EPS8: variants seen among roughly 807,000 people sequenced by gnomAD.
EPS8 encodes EGFR pathway substrate 8, signaling adaptor, also known as epidermal growth factor receptor kinase substrate 8.
Under a neutral mutation model 103.8 loss-of-function variants are expected in EPS8, and 42 were observed. The ratio of observed to expected loss-of-function variants is 0.40; its 90% CI spans 0.32 to 0.52. The LOEUF (loss-of-function observed/expected upper bound fraction) is 0.52. EPS8 is among the 20% of genes least tolerant of loss of function. The probability of loss-of-function intolerance (pLI) is 0.40; values close to 1 mark genes in which losing one functional copy is unlikely to be tolerated. For missense variants in EPS8, 969 were observed against 1,005.1 expected, an observed-to-expected ratio of 0.96 and a Z score of 0.49; for synonymous variants, 344 against 344.6, an observed-to-expected ratio of 1.00 and a Z score of 0.02.
Position 15,670,935 on chromosome 12 carries a change from AT to A in EPS8, c.137-13del, listed in dbSNP as rs1393341330. The A allele has an allele frequency of 5.0e-6, 8 of 1,608,766 alleles. No homozygotes were observed. In the East Asian group the frequency reaches 1.8e-4, roughly 36 times the overall value. ...ATTCTTCCTTTGTTCTGAAAGAGAA[AT>A]TGAAAAAGCCATGATTTGTCCCCTA... On this transcript the variant is annotated splice_polypyrimidine_tract_variant and intron_variant, in intron 3 of 20. Coordinates refer to ENST00000281172, the MANE Select transcript of EPS8 (RefSeq NM_004447.6).
intron 1 of EPS8, among the ~76,000 whole-genome samples, chr12:15,708,259 C>G (rs962395627): frequency 2.0e-5 from 3 of 152,168 alleles, no homozygotes; most frequent in Non-Finnish European, 2.9e-5. Context: ...CCTCACTTTC[C>G]TCATCTGTAA....
At chr12:15,661,583 T>C (rs1215463638) in intron 9 of EPS8, among the ~76,000 whole-genome samples, 1 of 152,242 alleles carries the variant, frequency 6.6e-6, no homozygotes, top group African/African-American at 2.4e-5. Flanking sequence ...CATTATCTTT[T>C]ATAAAAGCTT....
chr12:15,712,139 A>G (rs1187102290), intron 1 of EPS8, among the ~76,000 whole-genome samples: 1 of 152,238 alleles, frequency 6.6e-6, no homozygotes, highest in Admixed American at 6.5e-5. Flanking sequence ...TATTTAAAAC[A>G]TCATAATTAT....
intron 17 of EPS8, among the ~76,000 whole-genome samples, chr12:15,635,742 T>A (rs1475612833): frequency 2.6e-5 from 4 of 151,912 alleles, no homozygotes; most frequent in Admixed American, 2.6e-4. Context: ...ACCAAGCAAA[T>A]TGGAACACAG....
At chr12:15,739,110 A>C (rs1241874201) in intron 1 of EPS8, among the ~76,000 whole-genome samples, 2 of 152,188 alleles carry the variant, frequency 1.3e-5, no homozygotes, top group Non-Finnish European at 2.9e-5. Context: ...AAAACACATC[A>C]TATACCTTAG....
rs184275347 is a variant in EPS8 at position 15,740,926 on chromosome 12, T to A, written c.-22+48235A>T. 9.2e-5 allele frequency among the ~76,000 whole-genome samples: 14 copies of A among 152,304 alleles called. 2 individuals are homozygous for A. Among genetic ancestry groups the A allele is most frequent in the African/African-American group, 3.1e-4 (13 of 41,572 alleles). On this transcript the variant is annotated intron_variant, in intron 1 of 20. Transcript: ENST00000281172. ...ATAGAAAAAAGGTCAATTTCTTTTTTAAAAAATGGTGCTTTTAGTGACCTG... is the reference window on the plus strand; with the variant it reads ...ATAGAAAAAAGGTCAATTTCTTTTTAAAAAAATGGTGCTTTTAGTGACCTG...
chr12:15,681,370 T>C (rs908010483), intron 2 of EPS8, 68 bp from the exon 3 acceptor site: 17 of 625,302 alleles, frequency 2.7e-5, no homozygotes, highest in Non-Finnish European at 3.7e-5. Flanking sequence ...TAAAGTCCAA[T>C]ATAAGTAACA....
chr12:15,621,486 A>G (rs1944861662), intron 20 of EPS8, 56 bp from the exon 21 acceptor site: 2 of 902,890 alleles, frequency 2.2e-6, no homozygotes, highest in Non-Finnish European at 3.4e-6. Context: ...GCTGCAGGTC[A>G]TATCATGAAA....
At chr12:15,663,347 G>A (rs1189227287) in intron 8 of EPS8, among the ~76,000 whole-genome samples, 1 of 152,020 alleles carries the variant, frequency 6.6e-6, no homozygotes, top group East Asian at 1.9e-4. Context: ...GGAAGTCAGG[G>A]GTAGATATGC....
chr12:15,680,940 A>G (rs1215242576), intron 3 of EPS8, among the ~76,000 whole-genome samples: 1 of 152,132 alleles, frequency 6.6e-6, no homozygotes, highest in Non-Finnish European at 1.5e-5. Context: ...AAACATTATT[A>G]CAAGTAGTAA....
intron 1 of EPS8, among the ~76,000 whole-genome samples, chr12:15,768,990 ACAAATACACTTATT>A (rs1249940754): frequency 6.6e-6 from 1 of 152,230 alleles, no homozygotes; most frequent in Non-Finnish European, 1.5e-5. Flanking sequence ...AAAATTAGGC[ACAAATACACTTATT>A]CATAATTGCG....
chr12:15,786,717 T>C (rs1016220203), intron 1 of EPS8, among the ~76,000 whole-genome samples: 2 of 152,108 alleles, frequency 1.3e-5, no homozygotes, highest in African/African-American at 4.8e-5. Flanking sequence ...CTGAAAAGGT[T>C]GTAGTGAAGC....
intron 1 of EPS8, among the ~76,000 whole-genome samples, chr12:15,741,461 G>GTAGGTTGAT (rs1379418566): frequency 6.6e-6 from 1 of 152,162 alleles, no homozygotes; most frequent in African/African-American, 2.4e-5. Context: ...TTGACCATCT[G>GTAGGTTGAT]CAGTTTGGGG....
At chr12:15,741,678 C>T (rs919128400) in intron 1 of EPS8, among the ~76,000 whole-genome samples, 1 of 152,136 alleles carries the variant, frequency 6.6e-6, no homozygotes, top group Non-Finnish European at 1.5e-5. Context: ...TTAGATTAAT[C>T]AAACTGTTGC....
At position 15,662,081 on chromosome 12, in the gene EPS8, T is replaced by C. The variant is rs771234821; in HGVS notation, c.755A>G (p.Tyr252Cys). ...CTCAGGTGTTTCTTCCTGCTCATGATACTGCCTTGGTTTCTCAACTATAGA... is the reference window on the plus strand; with the variant it reads ...CTCAGGTGTTTCTTCCTGCTCATGACACTGCCTTGGTTTCTCAACTATAGA... ...DQGDFEKPRQ[Y>C]HEQEETPEMM... Residue 252 changes from tyrosine (Y) to cysteine (C), a missense_variant, in exon 9 of 21, where the codon TAT becomes TGT. Tyr to Cys is a radical substitution (Grantham distance 194). Coordinates refer to ENST00000281172, the MANE Select transcript of EPS8 (RefSeq NM_004447.6). The C allele has an allele frequency of 3.1e-6, 5 of 1,613,904 alleles. No individual in the cohort carries two copies. The South Asian group carries it at 5.5e-5, about 18-fold the overall frequency.
intron 3 of EPS8, among the ~76,000 whole-genome samples, chr12:15,677,203 G>A (rs1056677742): frequency 2.0e-5 from 3 of 152,098 alleles, no homozygotes; most frequent in African/African-American, 4.8e-5. Context: ...CCATGATGGC[G>A]TCATTACTTC....
intron 1 of EPS8, among the ~76,000 whole-genome samples, chr12:15,756,073 T>C (rs1306074056): frequency 1.3e-5 from 2 of 152,234 alleles, no homozygotes; most frequent in East Asian, 3.8e-4. Context: ...AGTTGTAGTC[T>C]GACTTAACTT....
Position 15,767,239 on chromosome 12 carries a change from G to T in EPS8, c.-22+21922C>A, listed in dbSNP as rs1565536342. On this transcript the variant is annotated intron_variant, in intron 1 of 20. Transcript: ENST00000281172. This position sits in a 1 kb window ranked among gnomAD's most constrained non-coding sequence, Gnocchi z 5.5. ...ATGTTAATAAGAAGTTTACAAATTG[G>T]AAGGTAAATTAAATATGGACAGAAC... is the stretch of plus-strand genomic sequence containing the variant. 6.6e-6 allele frequency among the ~76,000 whole-genome samples: 1 copy of T among 152,128 alleles called. No individual in the cohort carries two copies. The highest frequency in any genetic ancestry group is 1.5e-5 in the Non-Finnish European group (1 of 68,016).
At chr12:15,678,914 CAAAA>C (rs34794895) in intron 3 of EPS8, among the ~76,000 whole-genome samples, 2 of 54,736 alleles carry the variant, frequency 3.7e-5, no homozygotes, top group African/African-American at 6.2e-5. Flanking sequence ...ACTCTGTCTC[CAAAA>C]AAAAAAAAAA....
Sources: gnomAD v4.1 joint callset for allele counts (sites outside exome capture counted in the v4.1 genomes callset) on GRCh38, gnomAD v4.1.1 for gene constraint, Gnocchi (gnomAD v3.1) non-coding constraint, MANE v1.5 for transcripts, NCBI Gene and HGNC (gene_info 2026-07-23, HGNC 2026-07-21) for gene names.